Variants in RNF220 observed in about 807,000 individuals in gnomAD.
RNF220 encodes the protein ring finger protein 220.
A neutral mutation model predicts 67.1 loss-of-function variants in RNF220; 7 were observed. The observed-to-expected ratio is 0.10, with a 90% CI of 0.06 to 0.20. The LOEUF (loss-of-function observed/expected upper bound fraction) is 0.20, where lower values mean the gene tolerates loss of function less well. Ranked by LOEUF, RNF220 falls within the 10% of genes least tolerant of loss-of-function variation. The pLI is 1.00. For synonymous variants in RNF220, 270 were observed against 283.2 expected (o/e 0.95, Z 0.47); for missense variants, 565 against 740.3 (o/e 0.76, Z 2.75).
At chr1:44,587,296 C>T (rs540217390) in intron 2 of RNF220, among the ~76,000 whole-genome samples, 4 of 151,744 alleles carry the variant, frequency 2.6e-5, no homozygotes, top group African/African-American at 9.7e-5. Context: ...TACAGGCACC[C>T]GCCACCACGC....
At chr1:44,461,797 T>A (rs955919645) in intron 2 of RNF220, among the ~76,000 whole-genome samples, 1 of 152,180 alleles carries the variant, frequency 6.6e-6, no homozygotes, top group Non-Finnish European at 1.5e-5. Flanking sequence ...TATGTAAAAT[T>A]GTAAGTGAAA....
chr1:44,538,446 A>G (rs924502173), intron 2 of RNF220, among the ~76,000 whole-genome samples: 3 of 152,158 alleles, frequency 2.0e-5, no homozygotes, highest in African/African-American at 7.2e-5. Flanking sequence ...ACTTTCTCAC[A>G]TCTCATCTAG....
intron 5 of RNF220, among the ~76,000 whole-genome samples, chr1:44,631,122 T>C (rs946867210): frequency 6.6e-6 from 1 of 152,238 alleles, no homozygotes; most frequent in African/African-American, 2.4e-5. Context: ...CCCAGTGCCA[T>C]GCTGGGCTCT....
intron 2 of RNF220, among the ~76,000 whole-genome samples, chr1:44,509,743 C>T (rs1386258990): frequency 3.3e-5 from 5 of 150,968 alleles, no homozygotes; most frequent in African/African-American, 7.3e-5. Context: ...CAAAATTAGC[C>T]GGGTGTGGTG....
intron 2 of RNF220, among the ~76,000 whole-genome samples, chr1:44,588,825 C>A (rs76625364): frequency 6.6e-6 from 1 of 152,152 alleles, no homozygotes; most frequent in African/African-American, 2.4e-5. Context: ...TCATGACTAC[C>A]GAGGCTGGGG....
At chr1:44,492,815 A>G (rs1192364116) in intron 2 of RNF220, among the ~76,000 whole-genome samples, 1 of 152,144 alleles carries the variant, frequency 6.6e-6, no homozygotes, top group Non-Finnish European at 1.5e-5. Context: ...GGGGTGATGA[A>G]AATGCTCTAA....
At chr1:44,627,773 A>C (rs1643999759) in intron 5 of RNF220, among the ~76,000 whole-genome samples, 1 of 152,232 alleles carries the variant, frequency 6.6e-6, no homozygotes, top group Non-Finnish European at 1.5e-5. Context: ...GGGACCTGTA[A>C]GCTTGGGTAG....
intron 2 of RNF220, among the ~76,000 whole-genome samples, chr1:44,447,381 AC>A (rs1350444318): frequency 1.3e-5 from 2 of 152,186 alleles, no homozygotes; most frequent in South Asian, 2.1e-4. Context: ...GATAGTACCT[AC>A]CCCCTAAATA....
At chr1:44,528,332 A>G (rs1418966222) in intron 2 of RNF220, among the ~76,000 whole-genome samples, 1 of 150,408 alleles carries the variant, frequency 6.6e-6, no homozygotes, top group Admixed American at 6.6e-5. Context: ...ACGGAGTCTC[A>G]CTCTGTCACC....
At chr1:44,554,839 C>T (rs185064072) in intron 2 of RNF220, among the ~76,000 whole-genome samples, 1 of 152,236 alleles carries the variant, frequency 6.6e-6, no homozygotes, top group East Asian at 1.9e-4. Flanking sequence ...CTTTTTATCT[C>T]CACTGCTTGG....
intron 2 of RNF220, among the ~76,000 whole-genome samples, chr1:44,551,422 TTG>T (rs1662625935): frequency 6.6e-6 from 1 of 151,610 alleles, no homozygotes; most frequent in Non-Finnish European, 1.5e-5. Context: ...GCCATTTTTT[TTG>T]TTATTATTAA....
chr1:44,407,584 C>T (rs1035216003), intron 1 of RNF220, among the ~76,000 whole-genome samples: 4 of 152,070 alleles, frequency 2.6e-5, no homozygotes, highest in African/African-American at 9.7e-5. Flanking sequence ...CGCGTCGCGC[C>T]GCTGGTGGCC....
At chr1:44,506,089 A>C (rs1040034154) in intron 2 of RNF220, among the ~76,000 whole-genome samples, 4 of 152,230 alleles carry the variant, frequency 2.6e-5, no homozygotes, top group Non-Finnish European at 5.9e-5. Context: ...AAACACATAA[A>C]AGATGCCTTC....
rs555803766 is a variant in RNF220, at chr1:44,441,619, A to G, written c.625+28897A>G. 9.2e-5 allele frequency among the ~76,000 whole-genome samples: 14 copies of G among 151,716 alleles called. No individual in the cohort carries two copies. In the South Asian group the frequency reaches 2.9e-3, roughly 31 times the overall value. On this transcript the variant is annotated intron_variant, in intron 2 of 14. Coordinates refer to ENST00000361799, the MANE Select transcript of RNF220 (RefSeq NM_018150.4). ...GGAGATACTAGTGGCCTCTGCCTTG[A>G]AAGTAAGAAACATTTGTGGAGAACT...
chr1:44,534,068 G>A (rs1661025893), intron 2 of RNF220, among the ~76,000 whole-genome samples: 1 of 152,114 alleles, frequency 6.6e-6, no homozygotes, highest in Non-Finnish European at 1.5e-5. Flanking sequence ...TTGGCCTCCC[G>A]GGTCCAAGTG....
At chr1:44,547,123 AG>A (rs926801075) in intron 2 of RNF220, among the ~76,000 whole-genome samples, 1 of 152,186 alleles carries the variant, frequency 6.6e-6, no homozygotes, top group Admixed American at 6.5e-5. Context: ...GGATGGGAAA[AG>A]GCATTGCCAA....
chr1:44,614,880 C>A (rs1346276269), intron 3 of RNF220, among the ~76,000 whole-genome samples: 3 of 152,076 alleles, frequency 2.0e-5, no homozygotes, highest in Non-Finnish European at 4.4e-5. Flanking sequence ...AGAGGTGTGA[C>A]AAATTACCTA....
chr1:44,604,684 T>A (rs1667151661), intron 2 of RNF220, among the ~76,000 whole-genome samples: 1 of 152,260 alleles, frequency 6.6e-6, no homozygotes, highest in Non-Finnish European at 1.5e-5. Flanking sequence ...CCTGGCTGTC[T>A]TGCAGATGTT....
At chr1:44,460,569 ATCATTGAGGGT>A (rs1326797660) in intron 2 of RNF220, among the ~76,000 whole-genome samples, 5 of 152,190 alleles carry the variant, frequency 3.3e-5, no homozygotes, top group African/African-American at 1.2e-4. Flanking sequence ...GAGTTCTTCG[ATCATTGAGGGT>A]TCATTGAGGG....
Sources: gnomAD v4.1 joint callset for allele counts (sites outside exome capture counted in the v4.1 genomes callset) on GRCh38, gnomAD v4.1.1 for gene constraint, MANE v1.5 for transcripts, NCBI Gene and HGNC (gene_info 2026-07-23, HGNC 2026-07-21) for gene names.